The following ANO2 variants were observed in gnomAD, a reference collection of about 807,000 sequenced individuals.
The protein encoded by ANO2 is anoctamin 2.
ANO2 carries 101 observed loss-of-function variants against 124.2 expected under a neutral mutation model. The ratio of observed to expected loss-of-function variants is 0.81; its 90% CI spans 0.69 to 0.96. The LOEUF (loss-of-function observed/expected upper bound fraction) is 0.96. Ranked by LOEUF, ANO2 falls within the 40% of genes least tolerant of loss-of-function variation. ANO2 has a pLI of 0.00. For synonymous variants in ANO2, 486 were observed against 482.5 expected, an observed-to-expected ratio of 1.01 and a Z score of -0.09; for missense variants, 1,293 against 1,274.5, an observed-to-expected ratio of 1.01 and a Z score of -0.22.
intron 19 of ANO2, among the ~76,000 whole-genome samples, chr12:5,600,206 G>C (rs1288230301): frequency 7.3e-6 from 1 of 136,324 alleles, no homozygotes; most frequent in Non-Finnish European, 1.6e-5. Context: ...GGTCAAAAAG[G>C]TGGGGTCCTA....
chr12:5,693,226 T>A (rs146274797), intron 14 of ANO2, among the ~76,000 whole-genome samples: 108 of 152,320 alleles, frequency 7.1e-4, no homozygotes, highest in African/African-American at 2.5e-3. Context: ...TCTACATGGA[T>A]ATGCAGCAGC....
chr12:5,944,077 A>C (rs1381785397), intron 1 of ANO2, among the ~76,000 whole-genome samples: 2 of 152,246 alleles, frequency 1.3e-5, no homozygotes, highest in African/African-American at 4.8e-5. Flanking sequence ...GGATCGAATC[A>C]GGTGCTTGGC....
intron 14 of ANO2, among the ~76,000 whole-genome samples, chr12:5,696,469 A>G (rs1334766430): frequency 1.3e-5 from 2 of 152,242 alleles, no homozygotes; most frequent in African/African-American, 2.4e-5. Flanking sequence ...CCACTAAAAA[A>G]AAGCCTGAAA....
intron 4 of ANO2, among the ~76,000 whole-genome samples, chr12:5,843,388 A>T (rs1954583219): frequency 6.6e-6 from 1 of 152,004 alleles, no homozygotes; most frequent in South Asian, 2.1e-4. Flanking sequence ...TGTCTCTAGT[A>T]AAAATACAAA....
chr12:5,809,990 C>A (rs1953335742), intron 7 of ANO2, among the ~76,000 whole-genome samples: 1 of 152,216 alleles, frequency 6.6e-6, no homozygotes, highest in Admixed American at 6.5e-5. Flanking sequence ...GATTGTTCTG[C>A]CTCCTAAGAC....
At chr12:5,737,499 C>T (rs546197809) in intron 13 of ANO2, among the ~76,000 whole-genome samples, 4 of 152,356 alleles carry the variant, frequency 2.6e-5, no homozygotes, top group South Asian at 2.1e-4. Flanking sequence ...TATGTTTACA[C>T]TTGCTCTCTA....
intron 14 of ANO2, among the ~76,000 whole-genome samples, chr12:5,680,778 G>A (rs751411388): frequency 2.6e-5 from 4 of 152,262 alleles, no homozygotes; most frequent in South Asian, 4.1e-4. Flanking sequence ...TGAAAGAAAC[G>A]ATCCCAGGGA....
chr12:5,759,155 A>AG, intron 10 of ANO2, among the ~76,000 whole-genome samples: 1 of 148,850 alleles, frequency 6.7e-6, no homozygotes, highest in South Asian at 2.1e-4. Flanking sequence ...AAAGTTACAA[A>AG]AAAAAAAAAA....
chr12:5,839,259 C>G (rs1263101344), intron 4 of ANO2, among the ~76,000 whole-genome samples: 1 of 152,032 alleles, frequency 6.6e-6, no homozygotes, highest in Non-Finnish European at 1.5e-5. Context: ...ACAGAGCACC[C>G]CAGAGAGCTA....
chr12:5,650,576 A>G (rs1946869924), intron 14 of ANO2, among the ~76,000 whole-genome samples: 1 of 152,266 alleles, frequency 6.6e-6, no homozygotes, highest in African/African-American at 2.4e-5. Context: ...GTCTTTACTT[A>G]TAATAATCTG....
intron 3 of ANO2, among the ~76,000 whole-genome samples, chr12:5,877,757 T>G (rs1341495767): frequency 6.6e-6 from 1 of 152,246 alleles, no homozygotes; most frequent in African/African-American, 2.4e-5. Context: ...ATGAAACTGT[T>G]CCGCCTCAGA....
intron 14 of ANO2, among the ~76,000 whole-genome samples, chr12:5,676,454 A>G (rs1948247751): frequency 6.6e-6 from 1 of 152,164 alleles, no homozygotes; most frequent in African/African-American, 2.4e-5. Context: ...TCAGGTCACA[A>G]AATGTACAGT....
Position 5,882,332 on chromosome 12 carries a change from AAC to A in ANO2, c.535-28193_535-28192del, listed in dbSNP as rs140826876. ...TGTGGTCTTCATGCTGCAAATGAGA[AAC>A]AGTTTGGAGTTATTTTCCAGAATGA... On this transcript the variant is annotated intron_variant, in intron 3 of 24. Transcript: ENST00000682330. 2.4e-4 allele frequency among the ~76,000 whole-genome samples: 36 copies of A among 152,348 alleles called. No individual in the cohort carries two copies. In the East Asian group the frequency reaches 6.6e-3, roughly 28 times the overall value.
At chr12:5,783,632 GAGA>G (rs1217226270) in intron 10 of ANO2, among the ~76,000 whole-genome samples, 1 of 152,180 alleles carries the variant, frequency 6.6e-6, no homozygotes, top group African/African-American at 2.4e-5. Flanking sequence ...GTTAAAAATG[GAGA>G]AGATGGGGCC....
intron 11 of ANO2, among the ~76,000 whole-genome samples, chr12:5,746,058 A>G (rs1008600592): frequency 1.3e-5 from 2 of 152,258 alleles, no homozygotes; most frequent in Non-Finnish European, 1.5e-5. Context: ...GAGTTCCTCA[A>G]TGCTGCTCTT....
chr12:5,770,237 T>C (rs1350801483), intron 10 of ANO2, among the ~76,000 whole-genome samples: 1 of 149,592 alleles, frequency 6.7e-6, no homozygotes, highest in East Asian at 2.0e-4. Context: ...GCCAGTTATA[T>C]GATTTGCCCC....
At chr12:5,610,876 A>G (rs567805302) in intron 19 of ANO2, among the ~76,000 whole-genome samples, 10 of 146,400 alleles carry the variant, frequency 6.8e-5, no homozygotes, top group Non-Finnish European at 1.3e-4. Flanking sequence ...AAGGGAAATT[A>G]TTTCTATAAA....
At chr12:5,815,173 T>C (rs1162780335) in intron 7 of ANO2, among the ~76,000 whole-genome samples, 4 of 152,190 alleles carry the variant, frequency 2.6e-5, no homozygotes, top group Non-Finnish European at 4.4e-5. Flanking sequence ...TCTAATGCGA[T>C]GTCCCTTTTC....
chr12:5,835,391 A>G lies in ANO2; in HGVS notation c.634-2788T>C, dbSNP rs12318658. 8.5e-3 allele frequency among the ~76,000 whole-genome samples: 1,288 copies of G among 152,328 alleles called. 22 individuals carry two copies. Among genetic ancestry groups the G allele is most frequent in the African/African-American group, 0.028 (1,160 of 41,566 alleles). The stretch of plus-strand genomic sequence containing the variant: ...GTGGAAGACACTGAACAGTGTGAAC[A>G]GTGACAAAACCAGAGCTGTGAATTA... On this transcript the variant is annotated intron_variant, in intron 4 of 24. Transcript: ENST00000682330.
Sources: gnomAD v4.1 joint callset for allele counts (sites outside exome capture counted in the v4.1 genomes callset) on GRCh38, gnomAD v4.1.1 for gene constraint, MANE v1.5 for transcripts, NCBI Gene and HGNC (gene_info 2026-07-23, HGNC 2026-07-21) for gene names.